PHF20: variants seen among roughly 807,000 people sequenced by gnomAD.
The protein encoded by PHF20 is PHD finger protein 20.
A neutral mutation model predicts 113.5 loss-of-function variants in PHF20; 23 were observed. The ratio of observed to expected loss-of-function variants is 0.20; its 90% CI spans 0.15 to 0.29. The LOEUF is 0.29. PHF20 is among the 10% of genes least tolerant of loss of function. The pLI, the probability that PHF20 is intolerant of heterozygous loss-of-function variation, is 1.00. For synonymous variants in PHF20, 434 were observed against 457.3 expected (o/e 0.95, Z 0.65); for missense variants, 943 against 1,219.6 (o/e 0.77, Z 3.38).
intron 17 of PHF20, among the ~76,000 whole-genome samples, chr20:35,941,905 CT>C (rs1361527905): frequency 6.6e-6 from 1 of 152,070 alleles, no homozygotes; most frequent in Non-Finnish European, 1.5e-5. Flanking sequence ...TGAAGTTGAG[CT>C]TTAAGGAGAG....
At chr20:35,908,101 G>T (rs753090484) in intron 10 of PHF20, among the ~76,000 whole-genome samples, 1 of 152,224 alleles carries the variant, frequency 6.6e-6, no homozygotes, top group Non-Finnish European at 1.5e-5. Context: ...CTGTTGTGAA[G>T]CCCATACTCT....
chr20:35,803,673 A>G (rs1156427769), intron 2 of PHF20, among the ~76,000 whole-genome samples: 2 of 132,038 alleles, frequency 1.5e-5, no homozygotes, highest in Non-Finnish European at 3.1e-5. Context: ...TTTTGGTTTC[A>G]GTATATATAT....
intron 9 of PHF20, among the ~76,000 whole-genome samples, chr20:35,887,408 G>C (rs1371801124): frequency 6.6e-6 from 1 of 152,166 alleles, no homozygotes; most frequent in East Asian, 1.9e-4. Context: ...GCACTCTACT[G>C]GGGAGGGTTT....
chr20:35,845,046 C>T (rs1469197964), intron 3 of PHF20, among the ~76,000 whole-genome samples: 1 of 152,108 alleles, frequency 6.6e-6, no homozygotes, highest in Non-Finnish European at 1.5e-5. Context: ...AGTCCTGGAC[C>T]AGTTCTGGAC....
intron 1 of PHF20, among the ~76,000 whole-genome samples, chr20:35,791,082 C>G (rs2041535799): frequency 6.6e-6 from 1 of 152,154 alleles, no homozygotes; most frequent in Non-Finnish European, 1.5e-5. Flanking sequence ...TGGTCTTGAA[C>G]TCCTGACCTT....
chr20:35,866,071 G>T (rs376265063), intron 6 of PHF20, among the ~76,000 whole-genome samples: 1 of 152,134 alleles, frequency 6.6e-6, no homozygotes, highest in Non-Finnish European at 1.5e-5. Context: ...TTAGATGAGC[G>T]TGGTGGCATG....
intron 2 of PHF20, among the ~76,000 whole-genome samples, chr20:35,835,576 T>A (rs2042425621): frequency 6.6e-6 from 1 of 152,198 alleles, no homozygotes; most frequent in Admixed American, 6.5e-5. Context: ...CCAAATATGA[T>A]TTATTCTAGC....
chr20:35,903,119 T>C (rs1357510132), intron 10 of PHF20, among the ~76,000 whole-genome samples: 1 of 146,026 alleles, frequency 6.8e-6, no homozygotes, highest in African/African-American at 2.6e-5. Flanking sequence ...TCTACTTTCA[T>C]GTCTCCCTCT....
At chr20:35,838,195 T>C (rs1007964940) in intron 2 of PHF20, among the ~76,000 whole-genome samples, 3 of 152,314 alleles carry the variant, frequency 2.0e-5, no homozygotes, top group East Asian at 1.9e-4. Context: ...AATTTAAGGT[T>C]TTCCCTGAGG....
At chr20:35,791,269 C>T (rs949201539) in intron 1 of PHF20, among the ~76,000 whole-genome samples, 1 of 152,006 alleles carries the variant, frequency 6.6e-6, no homozygotes, top group Non-Finnish European at 1.5e-5. Flanking sequence ...AGCCTTACCT[C>T]GGTTCAATTC....
intron 4 of PHF20, among the ~76,000 whole-genome samples, chr20:35,852,209 G>A (rs1432047557): frequency 1.3e-5 from 2 of 152,314 alleles, no homozygotes; most frequent in East Asian, 3.9e-4. Context: ...CGTTCCCACA[G>A]TACCAGGCTG....
At chr20:35,905,862 C>T (rs534196932) in intron 10 of PHF20, among the ~76,000 whole-genome samples, 1 of 152,220 alleles carries the variant, frequency 6.6e-6, no homozygotes, top group Non-Finnish European at 1.5e-5. Flanking sequence ...TCCTGTCACT[C>T]ATATGGTTCT....
chr20:35,827,069 G>A (rs1341514280), intron 2 of PHF20, among the ~76,000 whole-genome samples: 3 of 152,158 alleles, frequency 2.0e-5, no homozygotes, highest in African/African-American at 7.2e-5. Context: ...TTTGTGCATA[G>A]AAGTATTTTG....
At chr20:35,852,548 A>G (rs1433025111) in intron 4 of PHF20, among the ~76,000 whole-genome samples, 1 of 152,126 alleles carries the variant, frequency 6.6e-6, no homozygotes, top group Non-Finnish European at 1.5e-5. Context: ...ATGCCCACAA[A>G]CATATGCACA....
rs567575190 is a variant in PHF20, at chr20:35,775,643, A to G, written c.-33+3564A>G. Among the ~76,000 whole-genome samples, 4 of 151,354 alleles carry G rather than the reference A, an allele frequency of 2.6e-5. No individual in the cohort carries two copies. The South Asian group carries it at 8.4e-4, about 32-fold the overall frequency. On this transcript the variant is annotated intron_variant, in intron 1 of 17. Coordinates refer to ENST00000374012, the MANE Select transcript of PHF20 (RefSeq NM_016436.5). ...GTGGCAGGCACCTGTAATCCCAGCT[A>G]CATGGGAGGCTGAGGCAGAATACTT...
chr20:35,809,818 T>C (rs1217400403), intron 2 of PHF20, among the ~76,000 whole-genome samples: 1 of 151,544 alleles, frequency 6.6e-6, no homozygotes, highest in Non-Finnish European at 1.5e-5. Flanking sequence ...GAGTTTGAGG[T>C]TGCAGTGAGC....
At chr20:35,877,444 TTTTTTTATTTTTA>T (rs1266769764) in intron 9 of PHF20, among the ~76,000 whole-genome samples, 1 of 151,670 alleles carries the variant, frequency 6.6e-6, no homozygotes. Flanking sequence ...CTTTTTTTTC[TTTTTTTATTTTTA>T]TTTTTTATTT....
chr20:35,937,219 A>G (rs2055881286), intron 15 of PHF20, among the ~76,000 whole-genome samples: 1 of 152,100 alleles, frequency 6.6e-6, no homozygotes, highest in Non-Finnish European at 1.5e-5. Context: ...TTGGGCTCCC[A>G]GCACTTTGGG....
chr20:35,947,235 C>T (rs921313583), intron 17 of PHF20, among the ~76,000 whole-genome samples: 5 of 152,176 alleles, frequency 3.3e-5, no homozygotes, highest in Admixed American at 6.5e-5. Flanking sequence ...CATTGATCAT[C>T]GCAGAAAGTT....
Sources: allele counts gnomAD v4.1 joint callset (sites outside exome capture counted in the v4.1 genomes callset), GRCh38; gene constraint gnomAD v4.1.1; transcripts MANE v1.5; gene names NCBI Gene and HGNC (gene_info 2026-07-23, HGNC 2026-07-21).